The following TAFA4 variants were observed in gnomAD, a reference collection of about 807,000 sequenced individuals.
TAFA4 encodes the protein chemokine-like protein TAFA-4.
TAFA4 carries 20 observed loss-of-function variants against 21.1 expected under a neutral mutation model. The observed-to-expected ratio is 0.95, with a 90% CI of 0.67 to 1.38. The LOEUF (loss-of-function observed/expected upper bound fraction) is 1.38, where lower values mean the gene tolerates loss of function less well. Among genes scored for constraint, TAFA4 ranks in the 40% most tolerant of loss-of-function variants. The probability of loss-of-function intolerance (pLI) is 0.00; values close to 1 mark genes in which losing one functional copy is unlikely to be tolerated. For synonymous variants in TAFA4, 71 were observed against 67.4 expected, an observed-to-expected ratio of 1.05 and a Z score of -0.26; for missense variants, 211 against 180.9, an observed-to-expected ratio of 1.17 and a Z score of -0.95.
intron 1 of TAFA4, among the ~76,000 whole-genome samples, chr3:68,891,715 T>C (rs181877426): frequency 1.1e-4 from 16 of 152,276 alleles, no homozygotes; most frequent in South Asian, 6.2e-4. Flanking sequence ...GAGGGTTTTA[T>C]GAGTGGAAGG....
At chr3:68,863,080 A>C (rs949656473) in intron 3 of TAFA4, among the ~76,000 whole-genome samples, 1 of 151,692 alleles carries the variant, frequency 6.6e-6, no homozygotes, top group Non-Finnish European at 1.5e-5. Flanking sequence ...CAAAAAAAAA[A>C]AAAAAAAATT....
chr3:68,816,262 A>T (rs1160056588), intron 3 of TAFA4, among the ~76,000 whole-genome samples: 7 of 152,148 alleles, frequency 4.6e-5, no homozygotes, highest in African/African-American at 1.7e-4. Context: ...ACATGTATAC[A>T]TATGTAACAA....
intron 3 of TAFA4, among the ~76,000 whole-genome samples, chr3:68,809,871 C>T (rs534986434): frequency 4.3e-4 from 65 of 152,224 alleles, no homozygotes; most frequent in South Asian, 6.2e-4. Flanking sequence ...ATCATTGGTC[C>T]GTAAATGTGT....
chr3:68,788,151 C>A (rs566726168), intron 3 of TAFA4, among the ~76,000 whole-genome samples: 2 of 152,182 alleles, frequency 1.3e-5, no homozygotes, highest in Admixed American at 6.5e-5. Flanking sequence ...GTGTGTAACA[C>A]GTGGCTGCAC....
At chr3:68,911,980 A>C (rs2089965253) in intron 1 of TAFA4, among the ~76,000 whole-genome samples, 1 of 152,128 alleles carries the variant, frequency 6.6e-6, no homozygotes, top group African/African-American at 2.4e-5. Context: ...CCCTTGGATC[A>C]ATGCTTCATC....
intron 3 of TAFA4, among the ~76,000 whole-genome samples, chr3:68,857,467 T>A (rs1044618012): frequency 6.6e-6 from 1 of 152,126 alleles, no homozygotes; most frequent in African/African-American, 2.4e-5. Context: ...GGATGGCAAC[T>A]TTTGATCACC....
chr3:68,845,920 C>A (rs544557369), intron 3 of TAFA4, among the ~76,000 whole-genome samples: 2 of 152,126 alleles, frequency 1.3e-5, no homozygotes, highest in African/African-American at 2.4e-5. Flanking sequence ...GTGGGTAACC[C>A]GACCTTTCTC....
intron 3 of TAFA4, among the ~76,000 whole-genome samples, chr3:68,791,139 C>G (rs1297745238): frequency 1.3e-5 from 2 of 152,186 alleles, no homozygotes; most frequent in Non-Finnish European, 2.9e-5. Context: ...TCACACTGTC[C>G]ATGCTCTCTG....
At chr3:68,920,835 A>C (rs2090053913) in intron 1 of TAFA4, among the ~76,000 whole-genome samples, 1 of 152,032 alleles carries the variant, frequency 6.6e-6, no homozygotes, top group South Asian at 2.1e-4. Context: ...AGTAAATCAA[A>C]GACTATGGTT....
intron 3 of TAFA4, among the ~76,000 whole-genome samples, chr3:68,797,071 C>T (rs562133122): frequency 3.3e-5 from 5 of 152,284 alleles, no homozygotes; most frequent in Admixed American, 6.5e-5. Context: ...GGTACAACTA[C>T]TGTAGAAAAC....
chr3:68,808,946 T>A (rs186377530), intron 3 of TAFA4, among the ~76,000 whole-genome samples: 1 of 152,150 alleles, frequency 6.6e-6, no homozygotes, highest in Non-Finnish European at 1.5e-5. Flanking sequence ...GAAAAGAACA[T>A]AGAAACCCCC....
At chr3:68,841,609 A>G (rs546866074) in intron 3 of TAFA4, among the ~76,000 whole-genome samples, 13 of 152,192 alleles carry the variant, frequency 8.5e-5, no homozygotes, top group Non-Finnish European at 1.9e-4. Flanking sequence ...GCGATCTGTT[A>G]CATAGGTTTA....
At chr3:68,815,447 A>G (rs1023838614) in intron 3 of TAFA4, among the ~76,000 whole-genome samples, 9 of 152,116 alleles carry the variant, frequency 5.9e-5, no homozygotes, top group African/African-American at 9.6e-5. Flanking sequence ...AATCTACAAT[A>G]AACTCAAACA....
At chr3:68,866,963 G>A (rs991063844) in intron 3 of TAFA4, among the ~76,000 whole-genome samples, 3 of 151,972 alleles carry the variant, frequency 2.0e-5, no homozygotes, top group Non-Finnish European at 4.4e-5. Context: ...AAGAATCACT[G>A]GTGTCTAAGA....
intron 5 of TAFA4, among the ~76,000 whole-genome samples, chr3:68,733,774 A>T (rs112538842): frequency 0.021 from 3,197 of 152,252 alleles, 92 homozygotes; most frequent in East Asian, 0.066. Flanking sequence ...ACATGCCTAC[A>T]CCACAAAAAT....
intron 3 of TAFA4, among the ~76,000 whole-genome samples, chr3:68,846,476 C>T (rs1030228957): frequency 2.0e-5 from 3 of 152,058 alleles, no homozygotes; most frequent in Non-Finnish European, 2.9e-5. Flanking sequence ...TCCTTTAGCT[C>T]GGAGGAGTCT....
chr3:68,844,732 G>A (rs544320021), intron 3 of TAFA4, among the ~76,000 whole-genome samples: 43 of 152,040 alleles, frequency 2.8e-4, no homozygotes, highest in Non-Finnish European at 5.4e-4. Context: ...TGTTCCCATC[G>A]GTTTCAAAGA....
chr3:68,780,869 A>C (rs1703141010), intron 3 of TAFA4, among the ~76,000 whole-genome samples: 1 of 151,186 alleles, frequency 6.6e-6, no homozygotes, highest in South Asian at 2.1e-4. Context: ...AATATGGAAT[A>C]TTCATCAAGT....
chr3:68,895,718 C>T (rs896536561), intron 1 of TAFA4, among the ~76,000 whole-genome samples: 3 of 152,096 alleles, frequency 2.0e-5, no homozygotes, highest in African/African-American at 7.2e-5. Context: ...TTAATCAACT[C>T]TCTGTGCCAG....
Sources: allele counts gnomAD v4.1 joint callset (sites outside exome capture counted in the v4.1 genomes callset), GRCh38; gene constraint gnomAD v4.1.1; transcripts MANE v1.5; gene names NCBI Gene and HGNC (gene_info 2026-07-23, HGNC 2026-07-21).